POU2F3: variants seen among roughly 807,000 people sequenced by gnomAD.
The protein encoded by POU2F3 is POU class 2 homeobox 3.
POU2F3 carries 23 observed loss-of-function variants against 59.2 expected under a neutral mutation model. The observed-to-expected ratio is 0.39, with a 90% CI of 0.28 to 0.55. The LOEUF is 0.55. Ranked by LOEUF, POU2F3 falls within the 20% of genes least tolerant of loss-of-function variation. The pLI, the probability that POU2F3 is intolerant of heterozygous loss-of-function variation, is 0.66. For synonymous variants in POU2F3, 190 were observed against 214.6 expected (o/e 0.89, Z 1.00); for missense variants, 473 against 544.5 (o/e 0.87, Z 1.31).
chr11:120,267,191 C>T (rs1195743243), intron 2 of POU2F3, among the ~76,000 whole-genome samples: 6 of 151,560 alleles, frequency 4.0e-5, no homozygotes, highest in East Asian at 1.9e-4. Flanking sequence ...TGCAGTCATG[C>T]GATCTCGGCT....
In POU2F3 at chr11:120,240,173, C is replaced by A; in HGVS notation, c.-171C>A. On this transcript the variant is annotated 5_prime_UTR_variant, in exon 1 of 13. Coordinates refer to ENST00000543440, the MANE Select transcript of POU2F3 (RefSeq NM_014352.4). ...AATCCTGGCGGCGCCGAGTGTTGCC[C>A]GGGCCGGAGCAGCGGAGCGCGCGAC... The A allele has an allele frequency of 8.2e-7, 1 of 1,218,700 alleles. No individual in the cohort carries two copies. Among genetic ancestry groups the A allele is most frequent in the South Asian group, 4.1e-5 (1 of 24,216 alleles). The allele number at this position is 1,218,700 out of a possible 1,614,324, so 75.5% of individuals were successfully genotyped here. A position where few individuals can be genotyped will look rare whatever the true frequency, so the allele number is the denominator to read the frequency against.
At chr11:120,271,940 G>A (rs1012510060) in intron 3 of POU2F3, among the ~76,000 whole-genome samples, 1 of 152,082 alleles carries the variant, frequency 6.6e-6, no homozygotes. Flanking sequence ...GCCCGGTCAC[G>A]TTCATTTACA....
intron 4 of POU2F3, among the ~76,000 whole-genome samples, chr11:120,299,267 A>T (rs1941277517): frequency 6.6e-6 from 1 of 152,222 alleles, no homozygotes; most frequent in South Asian, 2.1e-4. Context: ...TGGGGATTGC[A>T]TGTTATCTCT....
chr11:120,256,307 A>G (rs1210909565), intron 2 of POU2F3: 2 of 152,206 alleles, frequency 1.3e-5, no homozygotes, highest in African/African-American at 2.4e-5. Flanking sequence ...TCCCTACCTC[A>G]TAGTGCTGCT....
chr11:120,302,254 G>T, intron 5 of POU2F3, 32 bp from the exon 6 acceptor site: 4 of 1,536,026 alleles, frequency 2.6e-6, no homozygotes, highest in South Asian at 1.1e-5. Flanking sequence ...GATTTTATTT[G>T]TCTGTTCCTT....
chr11:120,283,118 C>T (rs534250747), intron 3 of POU2F3, among the ~76,000 whole-genome samples: 89 of 152,384 alleles, frequency 5.8e-4, no homozygotes, highest in African/African-American at 2.0e-3. Flanking sequence ...GCTAACCACT[C>T]TGTCTGGGAG....
At chr11:120,310,578 G>A (rs187610874) in intron 10 of POU2F3, among the ~76,000 whole-genome samples, 6 of 152,324 alleles carry the variant, frequency 3.9e-5, no homozygotes, top group Admixed American at 3.9e-4. Flanking sequence ...TCCATGCAGG[G>A]AGAAATGGTA....
chr11:120,276,356 G>T lies in POU2F3; in HGVS notation c.132+7112G>T, dbSNP rs532197638. ...GGGTCTGCCGCAGAGAGGGAGGTCA[G>T]TGGGGCTGGTTCAGAGGGCCTAAGA... On this transcript the variant is annotated intron_variant, in intron 3 of 12. Transcript: ENST00000543440. 4.6e-5 allele frequency among the ~76,000 whole-genome samples: 7 copies of T among 152,326 alleles called. No homozygotes were observed. In the South Asian group the frequency reaches 1.5e-3, roughly 32 times the overall value.
At chr11:120,277,249 C>A (rs1940371809) in intron 3 of POU2F3, among the ~76,000 whole-genome samples, 1 of 151,084 alleles carries the variant, frequency 6.6e-6, no homozygotes, top group South Asian at 2.1e-4. Flanking sequence ...CGAGATCGTG[C>A]CACTGCACTC....
chr11:120,292,912 T>C (rs962687841), intron 3 of POU2F3, among the ~76,000 whole-genome samples: 3 of 151,554 alleles, frequency 2.0e-5, no homozygotes, highest in African/African-American at 7.3e-5. Flanking sequence ...AATGAAGGGG[T>C]TTTTCATGCA....
intron 11 of POU2F3, 125 bp from the exon 12 acceptor site, chr11:120,317,104 G>T (rs1565393798): frequency 7.9e-6 from 9 of 1,146,078 alleles, no homozygotes; most frequent in Non-Finnish European, 1.0e-5. Flanking sequence ...GGTGGGTGTG[G>T]CTAGGGAGAG....
At chr11:120,246,134 C>T (rs1938864770) in intron 1 of POU2F3, among the ~76,000 whole-genome samples, 1 of 152,118 alleles carries the variant, frequency 6.6e-6, no homozygotes, top group Admixed American at 6.5e-5. Flanking sequence ...CCTCCACCCC[C>T]TTGTTAAATT....
At chr11:120,297,746 T>C (rs1470746361) in intron 3 of POU2F3, among the ~76,000 whole-genome samples, 1 of 152,038 alleles carries the variant, frequency 6.6e-6, no homozygotes, top group East Asian at 1.9e-4. Flanking sequence ...AAAAAAAGAA[T>C]ATCATCTCAG....
rs115774744 is a variant in POU2F3 at position 120,242,184 on chromosome 11, G to A, written c.28+1813G>A. Among the ~76,000 whole-genome samples, 1,104 of 152,294 alleles carry A rather than the reference G, an allele frequency of 7.2e-3. 16 individuals carry two copies. Among genetic ancestry groups the A allele is most frequent in the African/African-American group, 0.026 (1,063 of 41,556 alleles). On this transcript the variant is annotated intron_variant, in intron 1 of 12. Transcript: ENST00000543440. Reference sequence around the variant, plus strand: ...GCAGTTTCTGGGTCTTGGCCCCTCTGTAGTGTCTGAGGGTTCCCCTTCAGT... The same window carrying A: ...GCAGTTTCTGGGTCTTGGCCCCTCTATAGTGTCTGAGGGTTCCCCTTCAGT...
chr11:120,259,060 G>A (rs965461059), intron 2 of POU2F3: 3 of 152,314 alleles, frequency 2.0e-5, no homozygotes, highest in African/African-American at 7.2e-5. Context: ...AAAGGTGGGT[G>A]CAGCAGAGCT....
intron 2 of POU2F3, among the ~76,000 whole-genome samples, chr11:120,251,761 G>A (rs934961008): frequency 6.8e-6 from 1 of 147,156 alleles, no homozygotes; most frequent in Admixed American, 6.8e-5. Flanking sequence ...ATATCTCTAA[G>A]AAAAACCAAC....
intron 8 of POU2F3, 75 bp downstream of exon 8, chr11:120,305,860 G>A (rs1591439056): frequency 6.4e-7 from 1 of 1,560,288 alleles, no homozygotes; most frequent in East Asian, 2.3e-5. Flanking sequence ...GTCGTGTTGG[G>A]GCTTTTGGGA....
chr11:120,293,873 T>G (rs1941112506), intron 3 of POU2F3, among the ~76,000 whole-genome samples: 1 of 152,136 alleles, frequency 6.6e-6, no homozygotes, highest in South Asian at 2.1e-4. Context: ...ACCCTTGGGA[T>G]GTGTGTAATA....
At position 120,318,464 on chromosome 11, in the gene POU2F3, T is replaced by C; in HGVS notation, c.*72T>C. 1 of 1,414,646 alleles carries C rather than the reference T, an allele frequency of 7.1e-7. No individual in the cohort carries two copies. The allele number at this position is 1,414,646 out of a possible 1,614,324, so 87.6% of individuals were successfully genotyped here. ...AAGGAAGGGAATCATGCCTTCTATA[T>C]ACAGACAGATTGCCTTCAGAAGAGT... On this transcript the variant is annotated 3_prime_UTR_variant, in exon 13 of 13. Transcript: ENST00000543440.
Sources: gnomAD v4.1 joint callset for allele counts (sites outside exome capture counted in the v4.1 genomes callset) on GRCh38, gnomAD v4.1.1 for gene constraint, MANE v1.5 for transcripts, NCBI Gene and HGNC (gene_info 2026-07-23, HGNC 2026-07-21) for gene names.